CCDC198: variants seen among roughly 807,000 people sequenced by gnomAD.
CCDC198 encodes the protein coiled-coil domain containing 198, also known as factor associated with metabolism and energy.
A neutral mutation model predicts 35.6 loss-of-function variants in CCDC198; 18 were observed. That is an observed-to-expected ratio of 0.51 (90% CI 0.35 to 0.75). CCDC198 has a LOEUF of 0.75. Among genes scored for constraint, CCDC198 ranks in the 30% least tolerant of loss-of-function variants. The pLI is 0.01. For synonymous variants in CCDC198, 119 were observed against 113.4 expected, an observed-to-expected ratio of 1.05 and a Z score of -0.31; for missense variants, 365 against 343.7, an observed-to-expected ratio of 1.06 and a Z score of -0.49.
chr14:57,490,724 A>G (rs1433126460), intron 2 of CCDC198, among the ~76,000 whole-genome samples: 1 of 152,138 alleles, frequency 6.6e-6, no homozygotes, highest in African/African-American at 2.4e-5. Context: ...CCAACTAATC[A>G]GTGCTAGATT....
rs544050108 is a variant in CCDC198 at position 57,492,497 on chromosome 14, A to G, written c.223+996T>C. ...ACGCTCCATTTTTTAAATCATGTCT[A>G]TCACCTATCCCTCTATCTATCATAA... On this transcript the variant is annotated intron_variant, in intron 1 of 5. Coordinates refer to ENST00000216445, the MANE Select transcript of CCDC198 (RefSeq NM_018168.4). Among the ~76,000 whole-genome samples, 10 of 152,186 alleles carry G rather than the reference A, an allele frequency of 6.6e-5. No homozygotes were observed. In the South Asian group the frequency reaches 1.2e-3, roughly 19 times the overall value.
intron 1 of CCDC198, 76 bp downstream of exon 1, chr14:57,493,417 G>A (rs1594830080): frequency 8.0e-7 from 1 of 1,254,146 alleles, no homozygotes; most frequent in East Asian, 2.3e-5. Context: ...CTGAGATCAT[G>A]GAGACAGTCA....
At chr14:57,476,819 TATGTAA>T (rs2067012988) in intron 5 of CCDC198, among the ~76,000 whole-genome samples, 1 of 152,190 alleles carries the variant, frequency 6.6e-6, no homozygotes, top group Non-Finnish European at 1.5e-5. Flanking sequence ...GTAGAATGCT[TATGTAA>T]GTGTAAGATC....
chr14:57,475,771 T>C (rs1368746485), intron 5 of CCDC198: 6 of 352,362 alleles, frequency 1.7e-5, no homozygotes, highest in Non-Finnish European at 2.7e-5. Flanking sequence ...CCCATACATT[T>C]GTACGGCACT....
chr14:57,473,608 C>G (rs967035595), intron 5 of CCDC198, among the ~76,000 whole-genome samples: 1 of 152,198 alleles, frequency 6.6e-6, no homozygotes, highest in African/African-American at 2.4e-5. Context: ...CTATCCTGGT[C>G]TCAACATCAT....
At position 57,480,644 on chromosome 14, in the gene CCDC198, G is replaced by T. The variant is rs763063809; in HGVS notation, c.606C>A (p.Asp202Glu). 2 of 1,614,132 alleles carry T rather than the reference G, an allele frequency of 1.2e-6. No individual in the cohort carries two copies. The highest frequency in any genetic ancestry group is 4.5e-5 in the East Asian group (2 of 44,874). The change falls in exon 5 of 6, where the codon GAC becomes GAA. Residue 202 changes from aspartate to glutamate, a missense_variant. Asp to Glu is a conservative substitution (Grantham distance 45). Coordinates refer to ENST00000216445, the MANE Select transcript of CCDC198 (RefSeq NM_018168.4). The part of the protein sequence containing the change: ...KTLQSTPRND[D>E]HDLLTMLPDE... ...CAGGCAACATGGTTAGAAGGTCATG[G>T]TCATCATTCCTTGGGGTGCTTTGAA...
At chr14:57,471,633 G>C in intron 5 of CCDC198, 43 bp from the exon 6 acceptor site, 1 of 1,164,772 alleles carries the variant, frequency 8.6e-7, no homozygotes, top group Non-Finnish European at 1.2e-6. Flanking sequence ...CCTTAGCAAT[G>C]ATTTATTTGT....
chr14:57,471,114 C>A lies in CCDC198; in HGVS notation c.*241G>T. On this transcript the variant is annotated 3_prime_UTR_variant, in exon 6 of 6. Coordinates refer to ENST00000216445, the MANE Select transcript of CCDC198 (RefSeq NM_018168.4). Reference sequence around the variant, plus strand: ...AACCACCTAGCTGAACTCAGCAACCCACAGGAAAGTGAGACAATAAAATGG... The same window carrying A: ...AACCACCTAGCTGAACTCAGCAACCAACAGGAAAGTGAGACAATAAAATGG... 2 of 403,736 alleles carry A rather than the reference C, an allele frequency of 5.0e-6. No homozygotes were observed. The highest frequency in any genetic ancestry group is 8.9e-6 in the Non-Finnish European group (2 of 225,556). 25.0% of individuals were successfully genotyped at this position (403,736 alleles called of 1,614,324 possible). A position where few individuals can be genotyped will look rare whatever the true frequency, so the allele number is the denominator to read the frequency against.
chr14:57,480,901 TA>T, intron 4 of CCDC198, 147 bp from the exon 5 acceptor site: 1 of 782,204 alleles, frequency 1.3e-6, no homozygotes, highest in Non-Finnish European at 2.0e-6. Flanking sequence ...TTTTTCCTAT[TA>T]GAAGGTATGG....
At chr14:57,485,234 A>G (rs890378436) in intron 2 of CCDC198, among the ~76,000 whole-genome samples, 2 of 152,166 alleles carry the variant, frequency 1.3e-5, no homozygotes, top group African/African-American at 4.8e-5. Context: ...AGAGTAGAGC[A>G]TGAGTGAAGC....
intron 2 of CCDC198, 178 bp downstream of exon 2, chr14:57,490,811 T>C (rs2067539159): frequency 3.2e-6 from 2 of 630,242 alleles, no homozygotes; most frequent in Non-Finnish European, 5.2e-6. Flanking sequence ...AGCGAAATCA[T>C]TGCTAAAGGA....
At chr14:57,477,081 T>C (rs969337899) in intron 5 of CCDC198, among the ~76,000 whole-genome samples, 22 of 152,228 alleles carry the variant, frequency 1.4e-4, no homozygotes, top group African/African-American at 4.1e-4. Context: ...ACTCTTCATC[T>C]GTAGAAGAGA....
At position 57,493,558 on chromosome 14, in the gene CCDC198, T is replaced by C. The variant is rs1431816495; in HGVS notation, c.158A>G (p.Gln53Arg). 3 of 1,614,006 alleles carry C rather than the reference T, an allele frequency of 1.9e-6. No individual in the cohort carries two copies. The highest frequency in any genetic ancestry group is 1.1e-5 in the South Asian group (1 of 91,084). ...TSYSLARLQD[Q>R]NKALEGQLPP... The stretch of plus-strand genomic sequence containing the variant: ...CAGCTGCCCTTCCAAGGCTTTATTC[T>C]GGTCCTGCAGTCTTGCCAGTGAATA... Residue 53 changes from glutamine to arginine, a missense_variant, in exon 1 of 6, where the codon CAG becomes CGG. By Grantham distance (43) the Gln-to-Arg change is conservative. Coordinates refer to ENST00000216445, the MANE Select transcript of CCDC198 (RefSeq NM_018168.4).
chr14:57,489,175 A>G (rs906800964), intron 2 of CCDC198, among the ~76,000 whole-genome samples: 2 of 152,204 alleles, frequency 1.3e-5, no homozygotes, highest in African/African-American at 2.4e-5. Context: ...CATATACACC[A>G]TGGAATACTA....
chr14:57,471,815 C>A (rs2066830325), intron 5 of CCDC198, among the ~76,000 whole-genome samples: 1 of 150,118 alleles, frequency 6.7e-6, no homozygotes. Context: ...TTAAATCTTC[C>A]AAAAGTCACA....
chr14:57,481,866 T>A (rs925625164), intron 3 of CCDC198, among the ~76,000 whole-genome samples: 3 of 152,208 alleles, frequency 2.0e-5, no homozygotes, highest in Non-Finnish European at 4.4e-5. Context: ...TTGATGTGTA[T>A]ATATGTAGTT....
At chr14:57,471,868 G>T (rs1773887117) in intron 5 of CCDC198, among the ~76,000 whole-genome samples, 1 of 151,242 alleles carries the variant, frequency 6.6e-6, no homozygotes, top group African/African-American at 2.4e-5. Flanking sequence ...TCAACATTTT[G>T]CCACAATACT....
In CCDC198 at chr14:57,481,207, A is replaced by C. The variant is rs369979950; in HGVS notation, c.495+352T>G. Among the ~76,000 whole-genome samples, 5 of 152,214 alleles carry C rather than the reference A, an allele frequency of 3.3e-5. No individual in the cohort carries two copies. In the East Asian group the frequency reaches 9.7e-4, roughly 29 times the overall value. On this transcript the variant is annotated intron_variant, in intron 4 of 5. Transcript: ENST00000216445. ...ATTCTATGGCAAGAATTATAGAGAG[A>C]GGCCTAGGTATCAGAATAAAGAACA... is the stretch of plus-strand genomic sequence containing the variant.
rs755978727 is a variant in CCDC198 at position 57,478,557 on chromosome 14, A to G, written c.655+2038T>C. On this transcript the variant is annotated intron_variant, in intron 5 of 5. Transcript: ENST00000216445. ...TGCCAGTTTCTCCTTGGTCCCCTCCAGGTCTGAGACATCTTCCAGGGACTT... is the reference window on the plus strand; with the variant it reads ...TGCCAGTTTCTCCTTGGTCCCCTCCGGGTCTGAGACATCTTCCAGGGACTT... The G allele has an allele frequency of 5.2e-5, 51 of 987,180 alleles. 1 individual carries two copies. Among genetic ancestry groups the G allele is most frequent in the African/African-American group, 2.8e-4 (16 of 57,270 alleles). The allele number at this position is 987,180 out of a possible 1,614,324, so 61.2% of individuals were successfully genotyped here.
Sources: gnomAD v4.1 joint callset for allele counts (sites outside exome capture counted in the v4.1 genomes callset) on GRCh38, gnomAD v4.1.1 for gene constraint, MANE v1.5 for transcripts, NCBI Gene and HGNC (gene_info 2026-07-23, HGNC 2026-07-21) for gene names.